Variants in MUC7 observed in about 807,000 individuals in gnomAD.
MUC7 encodes mucin 7, secreted.
MUC7 carries 2 observed loss-of-function variants against 2.5 expected under a neutral mutation model. The ratio of observed to expected loss-of-function variants is 0.81; its 90% CI spans 0.33 to 2.55. MUC7 has a LOEUF of 2.55. Ranked by LOEUF, MUC7 falls within the 30% of genes most tolerant of loss-of-function variation. MUC7 has a pLI of 0.11. For missense variants in MUC7, 408 were observed against 455.6 expected (o/e 0.90, Z 0.95); for synonymous variants, 133 against 173.4 (o/e 0.77, Z 1.83).
intron 1 of MUC7, among the ~76,000 whole-genome samples, chr4:70,446,878 T>C (rs980353226): frequency 1.3e-5 from 2 of 152,230 alleles, no homozygotes; most frequent in Non-Finnish European, 2.9e-5. Context: ...TTCTTTATTA[T>C]AATTAAGAGT....
chr4:70,445,663 C>A (rs1215227261), intron 1 of MUC7, among the ~76,000 whole-genome samples: 1 of 152,062 alleles, frequency 6.6e-6, no homozygotes, highest in African/African-American at 2.4e-5. Flanking sequence ...CACATAAATC[C>A]CAACCCAGTC....
chr4:70,442,712 G>T (rs556033694), intron 1 of MUC7, among the ~76,000 whole-genome samples: 6 of 152,128 alleles, frequency 3.9e-5, no homozygotes, highest in African/African-American at 1.4e-4. Flanking sequence ...CCAGATGAGG[G>T]ATCCCTTTTG....
At chr4:70,436,800 CTT>C (rs1356138437) in intron 1 of MUC7, among the ~76,000 whole-genome samples, 1 of 152,166 alleles carries the variant, frequency 6.6e-6, no homozygotes, top group Non-Finnish European at 1.5e-5. Flanking sequence ...GAATTTTCAG[CTT>C]TTCTGTTCTG....
intron 2 of MUC7, 88 bp downstream of exon 2, chr4:70,474,163 C>A: frequency 2.9e-6 from 3 of 1,049,264 alleles, no homozygotes; most frequent in African/African-American, 1.6e-5. Flanking sequence ...GCATAATAGG[C>A]AACCCCTATT....
intron 1 of MUC7, among the ~76,000 whole-genome samples, chr4:70,431,697 A>G (rs1733670539): frequency 6.6e-6 from 1 of 152,096 alleles, no homozygotes; most frequent in African/African-American, 2.4e-5. Flanking sequence ...TTATTAACCA[A>G]TTTCACAGCT....
chr4:70,475,643 A>G (rs970705331), intron 2 of MUC7, among the ~76,000 whole-genome samples: 2 of 152,256 alleles, frequency 1.3e-5, no homozygotes, highest in Non-Finnish European at 2.9e-5. Flanking sequence ...TAATAATGAT[A>G]TAATGTGATT....
intron 1 of MUC7, among the ~76,000 whole-genome samples, chr4:70,461,034 C>T (rs10007256): frequency 0.81 from 123,896 of 152,096 alleles, 50,827 homozygotes; most frequent in Middle Eastern, 0.89. Flanking sequence ...GGATGTGGAC[C>T]ACTGAAGGTC....
intron 1 of MUC7, among the ~76,000 whole-genome samples, chr4:70,449,852 C>A (rs1198214995): frequency 6.6e-6 from 1 of 152,180 alleles, no homozygotes; most frequent in African/African-American, 2.4e-5. Flanking sequence ...TGGAGTGACA[C>A]AAGCACCTCT....
chr4:70,435,508 G>A (rs1339839195), intron 1 of MUC7, among the ~76,000 whole-genome samples: 1 of 152,180 alleles, frequency 6.6e-6, no homozygotes, highest in Non-Finnish European at 1.5e-5. Context: ...TGTTTTATCA[G>A]AGACTAGGAT....
rs145010129 is a variant in MUC7 at position 70,481,564 on chromosome 4, G to A, written c.820G>A (p.Ala274Thr). ...PSATTLDPSS[A>T]SAPPETTAAP... Reference sequence around the variant, plus strand: ...TGCAACTACCCTAGACCCATCATCCGCCTCAGCTCCACCAGAGACCACAGC... The same window carrying A: ...TGCAACTACCCTAGACCCATCATCCACCTCAGCTCCACCAGAGACCACAGC... Residue 274 changes from alanine (A) to threonine (T), a missense_variant, in exon 3 of 3, where the codon GCC (alanine) becomes ACC (threonine). Ala to Thr is a moderately conservative substitution (Grantham distance 58). This residue lies in a region of MUC7 where 175 missense variants were observed against 187.1 expected (regional missense o/e 0.94). Coordinates refer to ENST00000304887, the MANE Select transcript of MUC7 (RefSeq NM_152291.3). 6.9e-4 allele frequency: 974 copies of A among 1,410,910 alleles called. 29 individuals are homozygous for A. In the African/African-American group the frequency reaches 0.017, roughly 25 times the overall value. The allele number at this position is 1,410,910 out of a possible 1,614,324, so 87.4% of individuals were successfully genotyped here. A position where few individuals can be genotyped will look rare whatever the true frequency, so the allele number is the denominator to read the frequency against.
At chr4:70,437,741 C>G (rs1025355357) in intron 1 of MUC7, among the ~76,000 whole-genome samples, 8 of 152,124 alleles carry the variant, frequency 5.3e-5, no homozygotes, top group African/African-American at 1.4e-4. Flanking sequence ...CACTGTCCAA[C>G]CAGTCCCAAT....
intron 1 of MUC7, among the ~76,000 whole-genome samples, chr4:70,463,450 C>A (rs1577909130): frequency 6.6e-6 from 1 of 152,188 alleles, no homozygotes; most frequent in Middle Eastern, 3.4e-3. Context: ...TGAGAAGTTT[C>A]TATTATTTTT....
chr4:70,443,150 C>T (rs999721624), intron 1 of MUC7, among the ~76,000 whole-genome samples: 1 of 152,008 alleles, frequency 6.6e-6, no homozygotes, highest in African/African-American at 2.4e-5. Flanking sequence ...TATATTCACC[C>T]TAAATTAGAT....
chr4:70,465,942 A>T (rs1387451328), intron 1 of MUC7, among the ~76,000 whole-genome samples: 2 of 152,166 alleles, frequency 1.3e-5, no homozygotes, highest in Non-Finnish European at 2.9e-5. Flanking sequence ...AAGACAAATA[A>T]TCGTCAGATT....
intron 1 of MUC7, among the ~76,000 whole-genome samples, chr4:70,445,456 A>C (rs577787714): frequency 4.6e-4 from 70 of 152,342 alleles, no homozygotes; most frequent in Non-Finnish European, 8.1e-4. Flanking sequence ...CAAATAATTC[A>C]TATAAATTCC....
chr4:70,449,443 G>T (rs2109713564), intron 1 of MUC7, among the ~76,000 whole-genome samples: 1 of 152,214 alleles, frequency 6.6e-6, no homozygotes, highest in East Asian at 1.9e-4. Context: ...ACAGTATGGG[G>T]AAAACCACCC....
upstream of MUC7, among the ~76,000 whole-genome samples, chr4:70,471,692 AT>A: frequency 6.6e-6 from 1 of 152,330 alleles, no homozygotes; most frequent in Non-Finnish European, 1.5e-5. Context: ...ATTGTTTTTA[AT>A]TACTTGTATT....
chr4:70,454,442 C>T (rs997682520), intron 1 of MUC7, among the ~76,000 whole-genome samples: 21 of 152,146 alleles, frequency 1.4e-4, no homozygotes, highest in South Asian at 2.1e-4. Context: ...GCACTGAGTC[C>T]AATGAACAGT....
At chr4:70,448,238 C>T (rs1470066774) in intron 1 of MUC7, among the ~76,000 whole-genome samples, 2 of 152,144 alleles carry the variant, frequency 1.3e-5, no homozygotes, top group African/African-American at 2.4e-5. Context: ...AATAGTGCTG[C>T]AATATATATG....
Sources: allele counts gnomAD v4.1 joint callset (sites outside exome capture counted in the v4.1 genomes callset), GRCh38; gene constraint gnomAD v4.1.1; regional missense constraint gnomAD v4.1.1; transcripts MANE v1.5; gene names NCBI Gene and HGNC (gene_info 2026-07-23, HGNC 2026-07-21).